Variants in JPH3 observed in about 807,000 individuals in gnomAD.
The protein encoded by JPH3 is junctophilin 3, also known as junctophilin-3.
A neutral mutation model predicts 59.6 loss-of-function variants in JPH3; 11 were observed. The ratio of observed to expected loss-of-function variants is 0.18; its 90% CI spans 0.12 to 0.31. JPH3 has a LOEUF of 0.31. Among genes scored for constraint, JPH3 ranks in the 10% least tolerant of loss-of-function variants. The pLI is 1.00. For missense variants in JPH3, 1,202 were observed against 1,105.7 expected (o/e 1.09, Z -1.24); for synonymous variants, 673 against 483.6 (o/e 1.39, Z -5.14).
At chr16:87,606,504 C>T (rs1305073415) in intron 1 of JPH3, among the ~76,000 whole-genome samples, 1 of 152,176 alleles carries the variant, frequency 6.6e-6, no homozygotes, top group Non-Finnish European at 1.5e-5. Context: ...GGGGTACAGG[C>T]ACACTTGCTT....
chr16:87,614,816 T>C (rs1243596331), intron 1 of JPH3, among the ~76,000 whole-genome samples: 1 of 147,818 alleles, frequency 6.8e-6, no homozygotes, highest in East Asian at 2.0e-4. Flanking sequence ...CGCTGGTCCC[T>C]GCACACGTGA....
rs768392713 is a variant in JPH3 at position 87,644,871 on chromosome 16, C to A, written c.996C>A (p.Thr332=). The change falls in exon 2 of 5, where the codon ACC becomes ACA. Residue 332 remains threonine, a synonymous_variant. Transcript: ENST00000284262. ...GCTGCATGACCTTCCCGGACGGCAC[C>A]AAGGAGGAGGGCAAGTACAAGCAGA... ...GYGCMTFPDG[T]KEEGKYKQNI... 5.0e-6 allele frequency: 8 copies of A among 1,613,362 alleles called. No individual in the cohort carries two copies. The highest frequency in any genetic ancestry group is 6.8e-6 in the Non-Finnish European group (8 of 1,179,926).
chr16:87,667,963 C>T (rs993537103), intron 2 of JPH3, among the ~76,000 whole-genome samples: 2 of 152,190 alleles, frequency 1.3e-5, no homozygotes, highest in East Asian at 3.9e-4. Flanking sequence ...TCTGATTCCA[C>T]CTGCAAATCC....
chr16:87,659,025 G>A (rs1479115309), intron 2 of JPH3, among the ~76,000 whole-genome samples: 1 of 152,222 alleles, frequency 6.6e-6, no homozygotes, highest in Non-Finnish European at 1.5e-5. Context: ...TGGGACAGCT[G>A]CGGCGGCCAC....
intron 2 of JPH3, among the ~76,000 whole-genome samples, chr16:87,672,027 T>C (rs1187702065): frequency 6.6e-6 from 1 of 152,050 alleles, no homozygotes; most frequent in Non-Finnish European, 1.5e-5. Flanking sequence ...CAGGCAGGTG[T>C]AGGGCTGGGC....
In JPH3 at chr16:87,677,220, ACAC is replaced by A. The variant is rs1314872887; in HGVS notation, c.1161-6921_1161-6919del. On this transcript the variant is annotated intron_variant, in intron 2 of 4. Transcript: ENST00000284262. ...CACACACACACACACACACACACAC[ACAC>A]ACAAAAAAAAAAATTAGCCGGGTGT... Among the ~76,000 whole-genome samples the A allele has an allele frequency of 3.9e-4, 49 of 125,192 alleles. No homozygotes were observed. The East Asian group carries it at 6.8e-3, about 17-fold the overall frequency. 82.1% of individuals were successfully genotyped at this position (125,192 alleles called of 152,430 possible). A position where few individuals can be genotyped will look rare whatever the true frequency, so the allele number is the denominator to read the frequency against.
chr16:87,622,760 C>T (rs560155664), intron 1 of JPH3, among the ~76,000 whole-genome samples: 19 of 152,196 alleles, frequency 1.2e-4, no homozygotes, highest in African/African-American at 4.3e-4. Context: ...CCCACCCTGC[C>T]GCTGAGAGGC....
intron 1 of JPH3, among the ~76,000 whole-genome samples, chr16:87,622,073 C>A (rs534309702): frequency 3.3e-5 from 5 of 150,970 alleles, no homozygotes; most frequent in Admixed American, 2.0e-4. Context: ...AGAAGAACGA[C>A]GCAGCCTGGC....
chr16:87,675,198 G>A (rs917136916), intron 2 of JPH3, among the ~76,000 whole-genome samples: 9 of 28,164 alleles, frequency 3.2e-4, no homozygotes, highest in South Asian at 1.0e-3. Flanking sequence ...CTCCCCCGCC[G>A]TTTCCCCGAC....
intron 1 of JPH3, among the ~76,000 whole-genome samples, chr16:87,621,361 G>T (rs536447109): frequency 6.6e-6 from 1 of 152,314 alleles, no homozygotes; most frequent in Admixed American, 6.5e-5. Context: ...TTCGGGACAG[G>T]AACAGCCCAG....
intron 2 of JPH3, among the ~76,000 whole-genome samples, chr16:87,671,671 C>T (rs747782853): frequency 6.6e-6 from 1 of 152,024 alleles, no homozygotes; most frequent in East Asian, 2.0e-4. Context: ...CAGCCCTGCA[C>T]CCGGGCTCCC....
At chr16:87,649,345 C>G (rs939092731) in intron 2 of JPH3, among the ~76,000 whole-genome samples, 23 of 152,204 alleles carry the variant, frequency 1.5e-4, no homozygotes, top group Admixed American at 1.1e-3. Flanking sequence ...TTTCATGACT[C>G]ATCTCCTGCC....
intron 2 of JPH3, among the ~76,000 whole-genome samples, chr16:87,677,202 A>G (rs1178334430): frequency 2.6e-5 from 3 of 116,864 alleles, no homozygotes; most frequent in African/African-American, 1.1e-4. Flanking sequence ...ACACACACAC[A>G]CACACACACA....
At position 87,644,579 on chromosome 16, in the gene JPH3, C is replaced by T. The variant is rs201066038; in HGVS notation, c.704C>T (p.Ala235Val). The part of the protein sequence containing the change: ...LRKSESKSSL[A>V]SQRSKQSSFR... ...AAGTCGGAGTCCAAGAGCAGCCTGG[C>T]CAGCCAACGCAGCAAGCAGAGCTCC... is the stretch of plus-strand genomic sequence containing the variant. The change falls in exon 2 of 5, where the codon GCC becomes GTC. Residue 235 changes from alanine to valine, a missense_variant. Ala to Val is a moderately conservative substitution (Grantham distance 64, BLOSUM62 0). Coordinates refer to ENST00000284262, the MANE Select transcript of JPH3 (RefSeq NM_020655.4). The T allele has an allele frequency of 1.3e-5, 21 of 1,612,932 alleles. 1 individual carries two copies. In the South Asian group the frequency reaches 1.5e-4, roughly 12 times the overall value.
intron 2 of JPH3, among the ~76,000 whole-genome samples, chr16:87,676,046 C>T (rs959422339): frequency 1.3e-5 from 2 of 152,220 alleles, no homozygotes; most frequent in East Asian, 1.9e-4. Context: ...TCGCAGGCGA[C>T]GAAAGTGCTG....
chr16:87,684,826 C>T (rs1249746970), intron 3 of JPH3, among the ~76,000 whole-genome samples: 2 of 143,172 alleles, frequency 1.4e-5, no homozygotes, highest in Non-Finnish European at 3.0e-5. Context: ...GTCCTCCCTT[C>T]GAGGGGGGGA....
At chr16:87,688,024 G>A (rs2033460612) in intron 3 of JPH3, among the ~76,000 whole-genome samples, 1 of 152,208 alleles carries the variant, frequency 6.6e-6, no homozygotes, top group Non-Finnish European at 1.5e-5. Context: ...GACCCTCACG[G>A]GGAGAGAGGT....
At chr16:87,639,139 G>C (rs1411208061) in intron 1 of JPH3, among the ~76,000 whole-genome samples, 2 of 152,322 alleles carry the variant, frequency 1.3e-5, no homozygotes, top group Middle Eastern at 3.4e-3. Flanking sequence ...GATCATAATA[G>C]TTACCATCAA....
At chr16:87,691,095 C>CCG (rs1555543754) in intron 4 of JPH3, among the ~76,000 whole-genome samples, 1 of 151,024 alleles carries the variant, frequency 6.6e-6, no homozygotes, top group Non-Finnish European at 1.5e-5. Context: ...CACCCCCCCC[C>CCG]CAAATTCGTT....
Sources: gnomAD v4.1 joint callset for allele counts (sites outside exome capture counted in the v4.1 genomes callset) on GRCh38, gnomAD v4.1.1 for gene constraint, MANE v1.5 for transcripts, NCBI Gene and HGNC (gene_info 2026-07-23, HGNC 2026-07-21) for gene names.